The following GPALPP1 variants were observed in gnomAD, a reference collection of about 807,000 sequenced individuals.
The protein encoded by GPALPP1 is GPALPP motifs-containing protein 1.
Under a neutral mutation model 38.9 loss-of-function variants are expected in GPALPP1, and 30 were observed. The observed-to-expected ratio is 0.77, with a 90% CI of 0.58 to 1.05. GPALPP1 has a LOEUF of 1.05. GPALPP1 is among the 50% of genes least tolerant of loss of function. GPALPP1 has a pLI of 0.00. For missense variants in GPALPP1, 384 were observed against 408.8 expected (o/e 0.94, Z 0.52); for synonymous variants, 120 against 139.2 (o/e 0.86, Z 0.97).
chr13:45,015,448 T>C lies in GPALPP1; in HGVS notation c.557T>C (p.Ile186Thr). 4 of 1,591,756 alleles carry C rather than the reference T, an allele frequency of 2.5e-6. No individual in the cohort carries two copies. Among genetic ancestry groups the C allele is most frequent in the South Asian group, 2.3e-5 (2 of 87,326 alleles). Residue 186 changes from isoleucine to threonine, a missense_variant, in exon 6 of 8, where the codon ATT becomes ACT. Transcript: ENST00000379151. ...CTCTTAAAGGATTCATCTAAACCCA[T>C]TGTAAGAGAGTCATGGATGACTGAA... ...TKGDDDSSKP[I>T]VRESWMTELP...
At chr13:44,989,896 CA>C (rs1434923759) in intron 1 of GPALPP1, 154 bp downstream of exon 1, 2 of 612,294 alleles carry the variant, frequency 3.3e-6, no homozygotes, top group Non-Finnish European at 5.8e-6. Context: ...CAAACAGTAG[CA>C]GGGGGGAGGA....
rs748584524 is a variant in GPALPP1, at chr13:44,989,685, C to T, written c.31C>T (p.Pro11Ser). 3 of 1,612,428 alleles carry T rather than the reference C, an allele frequency of 1.9e-6. No individual in the cohort carries two copies. Among genetic ancestry groups the T allele is most frequent in the Admixed American group, 1.7e-5 (1 of 60,022 alleles). MARDLIGPAL[P>S]PGFKARGTAE... ...AAGAGACCTGATCGGACCGGCCCTG[C>T]CGCCCGGCTTCAAGGCCCGCGGAAC... Residue 11 changes from proline to serine, a missense_variant, in exon 1 of 8, where the codon CCG becomes TCG. Pro to Ser is a moderately conservative substitution (Grantham distance 74). Coordinates refer to ENST00000379151, the MANE Select transcript of GPALPP1 (RefSeq NM_018559.5).
chr13:44,990,962 C>T (rs1011965739), intron 1 of GPALPP1, among the ~76,000 whole-genome samples: 2 of 151,752 alleles, frequency 1.3e-5, no homozygotes, highest in Non-Finnish European at 2.9e-5. Flanking sequence ...TGGTGGCGGG[C>T]GCCTGTAATC....
intron 2 of GPALPP1, among the ~76,000 whole-genome samples, chr13:45,004,732 C>T (rs140940564): frequency 6.6e-6 from 1 of 152,284 alleles, no homozygotes; most frequent in African/African-American, 2.4e-5. Context: ...ACTGCAGCCT[C>T]TGCCTCCCAA....
intron 1 of GPALPP1, among the ~76,000 whole-genome samples, chr13:44,994,238 A>AG (rs58177160): frequency 2.7e-5 from 4 of 147,454 alleles, no homozygotes; most frequent in African/African-American, 7.5e-5. Flanking sequence ...AAAAAAAAAA[A>AG]GGGAGAGAGA....
chr13:45,018,788 A>G (rs917331263), intron 6 of GPALPP1, among the ~76,000 whole-genome samples: 6 of 151,190 alleles, frequency 4.0e-5, no homozygotes, highest in Non-Finnish European at 7.4e-5. Flanking sequence ...TTCCTGTAAC[A>G]TTTTTTTGAA....
In GPALPP1 at chr13:45,019,879, A is replaced by ATTTTTTT. The variant is rs34893767; in HGVS notation, c.706-434_706-428dup. Reference sequence around the variant, plus strand: ...TCTTATCAAGTATGTTAATATTTTGATTTTTTTTTTTTTTTTTTTTTTTGA... The same window carrying ATTTTTTT: ...TCTTATCAAGTATGTTAATATTTTGATTTTTTTTTTTTTTTTTTTTTTTTTTTTTTGA... On this transcript the variant is annotated intron_variant, in intron 6 of 7. Transcript: ENST00000379151. Among the ~76,000 whole-genome samples, 402 of 85,506 alleles carry ATTTTTTT rather than the reference A, an allele frequency of 4.7e-3. 1 individual carries two copies. The highest frequency in any genetic ancestry group is 0.015 in the Middle Eastern group (1 of 66). The allele number at this position is 85,506 out of a possible 152,430, so 56.1% of individuals were successfully genotyped here. A position where few individuals can be genotyped will look rare whatever the true frequency, so the allele number is the denominator to read the frequency against.
At chr13:45,000,670 T>A (rs987831085) in intron 1 of GPALPP1, among the ~76,000 whole-genome samples, 2 of 152,322 alleles carry the variant, frequency 1.3e-5, no homozygotes, top group East Asian at 1.9e-4. Context: ...CCCTCTTTAA[T>A]GTACTTAGAA....
Position 45,028,202 on chromosome 13 carries a change from A to G in GPALPP1, c.*199A>G, listed in dbSNP as rs1566086339. The G allele has an allele frequency of 5.9e-6, 2 of 340,556 alleles. No homozygotes were observed. The highest frequency in any genetic ancestry group is 6.8e-5 in the South Asian group (1 of 14,750). 21.1% of individuals were successfully genotyped at this position (340,556 alleles called of 1,614,324 possible). On this transcript the variant is annotated 3_prime_UTR_variant, in exon 8 of 8. Transcript: ENST00000379151. ...ATATGTCTTACTGGAAAAATCCCTC[A>G]TAATAACCTAATAGGGCATTGCTAT...
In GPALPP1 at chr13:45,003,657, G is replaced by A. The variant is rs553377182; in HGVS notation, c.89-648G>A. On this transcript the variant is annotated intron_variant, in intron 1 of 7. Coordinates refer to ENST00000379151, the MANE Select transcript of GPALPP1 (RefSeq NM_018559.5). ...ACACCATATAGTAATTTGTAATTTT[G>A]CTGAGATGTAAAGTGAGAGCAAGTC... 2.6e-5 allele frequency among the ~76,000 whole-genome samples: 4 copies of A among 152,222 alleles called. No individual in the cohort carries two copies. The South Asian group carries it at 8.3e-4, about 32-fold the overall frequency.
chr13:45,000,631 AAGAAGC>A (rs1464603832), intron 1 of GPALPP1, among the ~76,000 whole-genome samples: 1 of 151,520 alleles, frequency 6.6e-6, no homozygotes, highest in Non-Finnish European at 1.5e-5. Context: ...TAAGAAGAGA[AAGAAGC>A]AGAAGAGGAA....
downstream of GPALPP1, chr13:45,033,950 C>A (rs964065391): frequency 6.6e-6 from 1 of 152,100 alleles, no homozygotes; most frequent in Non-Finnish European, 1.5e-5. Flanking sequence ...GTATGAGTTT[C>A]TTTGGTTTGG....
At chr13:45,006,115 T>A in intron 2 of GPALPP1, 87 bp from the exon 3 acceptor site, 1 of 708,806 alleles carries the variant, frequency 1.4e-6, no homozygotes. Context: ...ACAACTAGAT[T>A]TAATGCTTTT....
intron 1 of GPALPP1, among the ~76,000 whole-genome samples, chr13:44,991,963 A>G (rs1176296203): frequency 6.6e-6 from 1 of 152,258 alleles, no homozygotes; most frequent in Non-Finnish European, 1.5e-5. Flanking sequence ...ACATTGCTAT[A>G]TAGTCATCCA....
At position 45,024,020 on chromosome 13, in the gene GPALPP1, A is replaced by C. The variant is rs1017905962; in HGVS notation, c.804+3592A>C. Among the ~76,000 whole-genome samples, 17 of 152,170 alleles carry C rather than the reference A, an allele frequency of 1.1e-4. 1 individual carries two copies. The highest frequency in any genetic ancestry group is 1.0e-3 in the Admixed American group (16 of 15,278). The stretch of plus-strand genomic sequence containing the variant: ...TTGGGTGGTAAAAGCAAGGTTTCTG[A>C]GACCCACAGTTGGCAGTTTTGATTC... On this transcript the variant is annotated intron_variant, in intron 7 of 7. Coordinates refer to ENST00000379151, the MANE Select transcript of GPALPP1 (RefSeq NM_018559.5).
At chr13:45,020,093 C>A (rs911800954) in intron 6 of GPALPP1, among the ~76,000 whole-genome samples, 5 of 151,722 alleles carry the variant, frequency 3.3e-5, no homozygotes, top group Non-Finnish European at 7.4e-5. Flanking sequence ...GTTGCCCAGG[C>A]TGGTCTCGAA....
intron 7 of GPALPP1, among the ~76,000 whole-genome samples, chr13:45,027,366 T>C (rs1044398252): frequency 7.2e-5 from 11 of 152,204 alleles, no homozygotes; most frequent in African/African-American, 2.2e-4. Flanking sequence ...AAAATTATCT[T>C]AGCTTATGGA....
intron 2 of GPALPP1, among the ~76,000 whole-genome samples, chr13:45,004,687 G>A (rs73181509): frequency 0.057 from 8,729 of 152,132 alleles, 394 homozygotes; most frequent in East Asian, 0.12. Context: ...TCACTCTGGC[G>A]CACATGCTGG....
At chr13:44,997,616 C>T (rs1873385622) in intron 1 of GPALPP1, among the ~76,000 whole-genome samples, 1 of 152,168 alleles carries the variant, frequency 6.6e-6, no homozygotes, top group Non-Finnish European at 1.5e-5. Flanking sequence ...ATTCATTGTT[C>T]TCACTCAAGT....
Sources: gnomAD v4.1 joint callset for allele counts (sites outside exome capture counted in the v4.1 genomes callset) on GRCh38, gnomAD v4.1.1 for gene constraint, MANE v1.5 for transcripts, NCBI Gene and HGNC (gene_info 2026-07-23, HGNC 2026-07-21) for gene names.